Variants in KCNK9 observed in about 807,000 individuals in gnomAD.
KCNK9 encodes the protein potassium channel subfamily K member 9.
A neutral mutation model predicts 10.8 loss-of-function variants in KCNK9; 1 was observed. The observed-to-expected ratio is 0.09, with a 90% CI of 0.03 to 0.44. KCNK9 has a LOEUF of 0.44. Ranked by LOEUF, KCNK9 falls within the 20% of genes least tolerant of loss-of-function variation. The pLI is 0.97. For synonymous variants in KCNK9, 231 were observed against 222.7 expected (o/e 1.04, Z -0.33); for missense variants, 303 against 515.0 (o/e 0.59, Z 3.98).
At chr8:139,687,990 A>G (rs968014834) in intron 1 of KCNK9, among the ~76,000 whole-genome samples, 1 of 152,166 alleles carries the variant, frequency 6.6e-6, no homozygotes, top group Non-Finnish European at 1.5e-5. Flanking sequence ...ATATATAGTC[A>G]TAATAATAAT....
downstream of KCNK9, among the ~76,000 whole-genome samples, chr8:139,608,426 C>T (rs561471273): frequency 2.2e-4 from 34 of 152,356 alleles, no homozygotes; most frequent in Non-Finnish European, 3.8e-4. Context: ...CCTTCGCAGA[C>T]GGGGAAACGA....
intron 1 of KCNK9, among the ~76,000 whole-genome samples, chr8:139,680,613 G>C (rs766614388): frequency 6.6e-6 from 1 of 152,130 alleles, no homozygotes; most frequent in East Asian, 1.9e-4. Context: ...CCACATGGCC[G>C]AGTGAGTGCT....
rs1000799687 is a variant in KCNK9 at position 139,693,595 on chromosome 8, C to T, written c.283+9115G>A. Among the ~76,000 whole-genome samples, 7 of 152,138 alleles carry T rather than the reference C, an allele frequency of 4.6e-5. No homozygotes were observed. The highest frequency in any genetic ancestry group is 7.2e-5 in the African/African-American group (3 of 41,420). On this transcript the variant is annotated intron_variant, in intron 1 of 1. Transcript: ENST00000520439. This position sits in a 1 kb window ranked among gnomAD's most constrained non-coding sequence, Gnocchi z 4.1. ...TGAGACCAGCAGCCCCTAGGGAATA[C>T]TGATGTCTACTCAGAAAACTGAGTA...
downstream of KCNK9, among the ~76,000 whole-genome samples, chr8:139,610,069 C>T (rs1224961557): frequency 6.6e-6 from 1 of 152,214 alleles, no homozygotes; most frequent in East Asian, 1.9e-4. Context: ...ACCCCAGCCT[C>T]TGCCCTCCCT....
intron 1 of KCNK9, among the ~76,000 whole-genome samples, chr8:139,687,478 G>A (rs1395460529): frequency 3.1e-5 from 2 of 64,456 alleles, no homozygotes; most frequent in Admixed American, 1.6e-4. Flanking sequence ...TCATATATAT[G>A]TATACATATA....
At chr8:139,633,242 G>A (rs948463614) in intron 1 of KCNK9, among the ~76,000 whole-genome samples, 4 of 152,116 alleles carry the variant, frequency 2.6e-5, no homozygotes, top group Admixed American at 1.3e-4. Context: ...CTGGCCTGAG[G>A]CATGTAGCTA....
intron 1 of KCNK9, among the ~76,000 whole-genome samples, chr8:139,638,376 G>A (rs906643115): frequency 6.6e-6 from 1 of 152,172 alleles, no homozygotes. Context: ...CTGGCACCCA[G>A]CAGGTGCCAA....
intron 1 of KCNK9, among the ~76,000 whole-genome samples, chr8:139,666,570 G>GA (rs1816306380): frequency 6.6e-6 from 1 of 152,234 alleles, no homozygotes; most frequent in South Asian, 2.1e-4. Flanking sequence ...GTCAGGACTT[G>GA]AACCTAGGCT....
At chr8:139,604,134 G>A (rs770502782) in intron 2 of KCNK9, among the ~76,000 whole-genome samples, 34 of 152,204 alleles carry the variant, frequency 2.2e-4, no homozygotes, top group Non-Finnish European at 4.6e-4. Flanking sequence ...GAGCCTCCCT[G>A]GCTCTCCAGG....
chr8:139,654,793 G>A (rs984255745), intron 1 of KCNK9, among the ~76,000 whole-genome samples: 1 of 152,198 alleles, frequency 6.6e-6, no homozygotes, highest in Non-Finnish European at 1.5e-5. Context: ...GCTACCCCGG[G>A]GCCTAGCTCA....
intron 1 of KCNK9, among the ~76,000 whole-genome samples, chr8:139,675,010 C>G (rs1179037188): frequency 6.6e-6 from 1 of 152,232 alleles, no homozygotes; most frequent in Non-Finnish European, 1.5e-5. Flanking sequence ...AGAAATAGCA[C>G]TGGCCTTAGA....
chr8:139,674,248 C>T (rs112706598), intron 1 of KCNK9, among the ~76,000 whole-genome samples: 4 of 152,158 alleles, frequency 2.6e-5, no homozygotes, highest in Admixed American at 6.5e-5. Flanking sequence ...AAGAGGAAGG[C>T]GATGACCTCT....
intron 1 of KCNK9, among the ~76,000 whole-genome samples, chr8:139,681,282 G>C (rs1466544402): frequency 6.6e-6 from 1 of 152,208 alleles, no homozygotes; most frequent in Non-Finnish European, 1.5e-5. Context: ...GGAACCATCA[G>C]GCTGTGCTCC....
chr8:139,670,936 C>T (rs1816413013), intron 1 of KCNK9, among the ~76,000 whole-genome samples: 1 of 152,176 alleles, frequency 6.6e-6, no homozygotes, highest in Non-Finnish European at 1.5e-5. Context: ...AGGGACAGGG[C>T]CCCAAGCTGG....
chr8:139,685,842 C>T (rs1476978752), intron 1 of KCNK9, among the ~76,000 whole-genome samples: 2 of 152,244 alleles, frequency 1.3e-5, no homozygotes, highest in Middle Eastern at 3.4e-3. Flanking sequence ...GTTCTAGATC[C>T]TTGAGGGATC....
intron 1 of KCNK9, among the ~76,000 whole-genome samples, chr8:139,677,263 G>A (rs1170382980): frequency 2.0e-5 from 3 of 152,144 alleles, no homozygotes; most frequent in Non-Finnish European, 2.9e-5. Context: ...TCACCTGTGG[G>A]GGTGTGCACC....
Position 139,680,734 on chromosome 8 carries a change from A to G in KCNK9, c.283+21976T>C, listed in dbSNP as rs990761855. On this transcript the variant is annotated intron_variant, in intron 1 of 1. Coordinates refer to ENST00000520439, the MANE Select transcript of KCNK9 (RefSeq NM_001282534.2). ...TGGCAGGAGAGGAAACGGGGCCCAGAGAAGGTGCTTAGCTTCTCTGGGGCC... is the reference window on the plus strand; with the variant it reads ...TGGCAGGAGAGGAAACGGGGCCCAGGGAAGGTGCTTAGCTTCTCTGGGGCC... 1.6e-4 allele frequency among the ~76,000 whole-genome samples: 24 copies of G among 152,144 alleles called. 1 individual carries two copies. The highest frequency in any genetic ancestry group is 3.5e-4 in the Non-Finnish European group (24 of 68,006).
chr8:139,646,834 G>T (rs544421643), intron 1 of KCNK9, among the ~76,000 whole-genome samples: 1 of 152,348 alleles, frequency 6.6e-6, no homozygotes, highest in African/African-American at 2.4e-5. Context: ...AACATAGAGA[G>T]CACCAACCAG....
At chr8:139,698,931 G>A (rs1817129484) in intron 1 of KCNK9, among the ~76,000 whole-genome samples, 1 of 152,182 alleles carries the variant, frequency 6.6e-6, no homozygotes, top group African/African-American at 2.4e-5. Flanking sequence ...TTCTCAGAGT[G>A]TACCCTGCCC....
Sources: gnomAD v4.1 joint callset for allele counts (sites outside exome capture counted in the v4.1 genomes callset) on GRCh38, gnomAD v4.1.1 for gene constraint, Gnocchi (gnomAD v3.1) non-coding constraint, MANE v1.5 for transcripts, NCBI Gene and HGNC (gene_info 2026-07-23, HGNC 2026-07-21) for gene names.